The following KIAA1549L variants were observed in gnomAD, a reference collection of about 807,000 sequenced individuals.
The protein encoded by KIAA1549L is KIAA1549 like.
A neutral mutation model predicts 160.7 loss-of-function variants in KIAA1549L; 88 were observed. The observed-to-expected ratio is 0.55, with a 90% CI of 0.46 to 0.65. The LOEUF (loss-of-function observed/expected upper bound fraction) is 0.65. Among genes scored for constraint, KIAA1549L ranks in the 30% least tolerant of loss-of-function variants. The pLI is 0.00. For synonymous variants in KIAA1549L, 950 were observed against 976.7 expected (o/e 0.97, Z 0.51); for missense variants, 2,258 against 2,437.5 (o/e 0.93, Z 1.55).
At chr11:33,651,160 G>A (rs1284509541) in intron 17 of KIAA1549L, among the ~76,000 whole-genome samples, 1 of 152,130 alleles carries the variant, frequency 6.6e-6, no homozygotes, top group Non-Finnish European at 1.5e-5. Flanking sequence ...AAAATCCTAG[G>A]TTCTTGCAAT....
chr11:33,583,813 A>C (rs914283849), intron 11 of KIAA1549L, among the ~76,000 whole-genome samples: 2 of 152,242 alleles, frequency 1.3e-5, no homozygotes, highest in African/African-American at 4.8e-5. Flanking sequence ...CTAAAGAGAC[A>C]TGAAAGGGAT....
chr11:33,553,329 C>T (rs1344112154), intron 6 of KIAA1549L, among the ~76,000 whole-genome samples: 3 of 148,888 alleles, frequency 2.0e-5, no homozygotes, highest in African/African-American at 7.4e-5. Context: ...TTTGCAACTA[C>T]GTAGATATCA....
At chr11:33,527,649 C>T (rs1159333930) in intron 1 of KIAA1549L, among the ~76,000 whole-genome samples, 1 of 151,990 alleles carries the variant, frequency 6.6e-6, no homozygotes, top group Non-Finnish European at 1.5e-5. Flanking sequence ...AAATACAGCC[C>T]ACAGAATGTG....
chr11:33,531,152 A>G (rs1042331362), intron 1 of KIAA1549L, among the ~76,000 whole-genome samples: 1 of 152,176 alleles, frequency 6.6e-6, no homozygotes, highest in Non-Finnish European at 1.5e-5. Context: ...AAAAGAAGTG[A>G]AAGTGAAATT....
chr11:33,409,987 C>T (rs1341550098), intron 1 of KIAA1549L, among the ~76,000 whole-genome samples: 1 of 152,006 alleles, frequency 6.6e-6, no homozygotes, highest in Non-Finnish European at 1.5e-5. Context: ...TTTTTTCTGA[C>T]GTTTCTCTGT....
At chr11:33,521,054 C>T (rs1853480935) in intron 1 of KIAA1549L, among the ~76,000 whole-genome samples, 1 of 152,052 alleles carries the variant, frequency 6.6e-6, no homozygotes. Context: ...GTAGCTCTAG[C>T]TACTCAGGAG....
intron 1 of KIAA1549L, among the ~76,000 whole-genome samples, chr11:33,395,430 A>G (rs35110132): frequency 0.015 from 2,319 of 152,158 alleles, 28 homozygotes; most frequent in Middle Eastern, 0.079. Context: ...CTTCTCTCTA[A>G]TTTTCAGGAT....
intron 1 of KIAA1549L, among the ~76,000 whole-genome samples, chr11:33,431,431 C>T (rs2132916106): frequency 6.6e-6 from 1 of 152,202 alleles, no homozygotes; most frequent in South Asian, 2.1e-4. Context: ...CACAAAGGTT[C>T]TCCATGTCCC....
intron 1 of KIAA1549L, among the ~76,000 whole-genome samples, chr11:33,398,270 A>C (rs1850427445): frequency 1.3e-5 from 2 of 151,414 alleles, no homozygotes; most frequent in African/African-American, 4.9e-5. Context: ...ATTGTTCAAA[A>C]ATGTAAAAAA....
chr11:33,554,361 G>A (rs1439631263), intron 6 of KIAA1549L, among the ~76,000 whole-genome samples: 3 of 152,188 alleles, frequency 2.0e-5, no homozygotes, highest in South Asian at 2.1e-4. Context: ...CAATTAGGAC[G>A]TGTTTGGTTG....
intron 16 of KIAA1549L, among the ~76,000 whole-genome samples, chr11:33,630,537 G>T (rs999641919): frequency 4.6e-5 from 7 of 152,244 alleles, no homozygotes. Flanking sequence ...GGAGTGACCC[G>T]ATTTTCCAGG....
chr11:33,460,135 T>C (rs1251687613), intron 1 of KIAA1549L, among the ~76,000 whole-genome samples: 2 of 152,166 alleles, frequency 1.3e-5, no homozygotes, highest in Non-Finnish European at 2.9e-5. Context: ...TCACTGTCCA[T>C]GGCTGTCTTG....
chr11:33,608,343 T>C (rs1295258003), intron 14 of KIAA1549L, among the ~76,000 whole-genome samples: 5 of 152,270 alleles, frequency 3.3e-5, no homozygotes, highest in Non-Finnish European at 7.3e-5. Flanking sequence ...ACTGTTGTTG[T>C]TATCACCACC....
chr11:33,612,014 C>T (rs1850660648), intron 15 of KIAA1549L, among the ~76,000 whole-genome samples: 1 of 152,184 alleles, frequency 6.6e-6, no homozygotes, highest in Non-Finnish European at 1.5e-5. Flanking sequence ...AGCTAATTCT[C>T]AGCAAATGTT....
Position 33,478,002 on chromosome 11 carries a change from C to T in KIAA1549L, c.239-63800C>T, listed in dbSNP as rs748688206. Reference sequence around the variant, plus strand: ...ACTACAGGTAAGACAAGAGGTCCAGCTACATTTAGACAGAAGGCTTATGGT... The same window carrying T: ...ACTACAGGTAAGACAAGAGGTCCAGTTACATTTAGACAGAAGGCTTATGGT... On this transcript the variant is annotated intron_variant, in intron 1 of 20. Coordinates refer to ENST00000658780, the MANE Select transcript of KIAA1549L (RefSeq NM_012194.3). 3.5e-4 allele frequency among the ~76,000 whole-genome samples: 54 copies of T among 152,324 alleles called. No individual in the cohort carries two copies. The Middle Eastern group carries it at 0.01, about 29-fold the overall frequency.
chr11:33,440,519 G>T (rs1280235361), intron 1 of KIAA1549L, among the ~76,000 whole-genome samples: 1 of 152,070 alleles, frequency 6.6e-6, no homozygotes, highest in African/African-American at 2.4e-5. Context: ...ATTTAACAAG[G>T]TCTAAAGTTA....
intron 10 of KIAA1549L, among the ~76,000 whole-genome samples, chr11:33,579,698 A>G (rs980977069): frequency 2.6e-5 from 4 of 152,178 alleles, no homozygotes; most frequent in East Asian, 1.9e-4. Context: ...AGGTAACGCT[A>G]TAGACTTGAG....
chr11:33,380,225 A>G (rs778785540), intron 1 of KIAA1549L, among the ~76,000 whole-genome samples: 1 of 152,104 alleles, frequency 6.6e-6, no homozygotes, highest in African/African-American at 2.4e-5. Context: ...TTAGTTCCTG[A>G]TTTACCTTCA....
rs1852366899 is a variant in KIAA1549L at position 33,664,327 on chromosome 11, T to C, written c.6159+3313T>C. 6.4e-5 allele frequency among the ~76,000 whole-genome samples: 8 copies of C among 125,582 alleles called. No homozygotes were observed. In the South Asian group the frequency reaches 2.3e-3, roughly 36 times the overall value. 82.4% of individuals were successfully genotyped at this position (125,582 alleles called of 152,430 possible). A position where few individuals can be genotyped will look rare whatever the true frequency, so the allele number is the denominator to read the frequency against. ...CCTTTCCAAATATAGACTCCCCCTC[T>C]GCCTGACACCCATCCGTGGCTCCCA... On this transcript the variant is annotated intron_variant, in intron 20 of 20. Coordinates refer to ENST00000658780, the MANE Select transcript of KIAA1549L (RefSeq NM_012194.3).
Sources: allele counts gnomAD v4.1 joint callset (sites outside exome capture counted in the v4.1 genomes callset), GRCh38; gene constraint gnomAD v4.1.1; transcripts MANE v1.5; gene names NCBI Gene and HGNC (gene_info 2026-07-23, HGNC 2026-07-21).